Variants in CACNA2D1 observed in about 807,000 individuals in gnomAD.
CACNA2D1 encodes voltage-dependent calcium channel subunit alpha-2/delta-1.
A neutral mutation model predicts 171.5 loss-of-function variants in CACNA2D1; 53 were observed. The observed-to-expected ratio is 0.31, with a 90% CI of 0.25 to 0.39. The LOEUF is 0.39. Among genes scored for constraint, CACNA2D1 ranks in the 10% least tolerant of loss-of-function variants. The pLI, the probability that CACNA2D1 is intolerant of heterozygous loss-of-function variation, is 1.00. For synonymous variants in CACNA2D1, 442 were observed against 443.1 expected, an observed-to-expected ratio of 1.00 and a Z score of 0.03; for missense variants, 903 against 1,299.8, an observed-to-expected ratio of 0.69 and a Z score of 4.69.
chr7:82,259,993 C>T (rs142060440), intron 3 of CACNA2D1, among the ~76,000 whole-genome samples: 5 of 152,076 alleles, frequency 3.3e-5, no homozygotes, highest in Non-Finnish European at 7.4e-5. Flanking sequence ...GAGGCTGAGG[C>T]GAGTAAACCA....
chr7:82,379,806 A>G (rs1823487265), intron 1 of CACNA2D1, among the ~76,000 whole-genome samples: 1 of 152,118 alleles, frequency 6.6e-6, no homozygotes, highest in Non-Finnish European at 1.5e-5. Flanking sequence ...AATCTATGGG[A>G]ATTATCTCAT....
intron 1 of CACNA2D1, among the ~76,000 whole-genome samples, chr7:82,410,178 T>C (rs546668518): frequency 2.0e-5 from 3 of 152,208 alleles, no homozygotes; most frequent in African/African-American, 4.8e-5. Flanking sequence ...CTCTAAGTAA[T>C]AGTTCCTCTA....
intron 1 of CACNA2D1, among the ~76,000 whole-genome samples, chr7:82,423,937 T>C (rs1234620473): frequency 6.6e-6 from 1 of 152,230 alleles, no homozygotes; most frequent in Admixed American, 6.5e-5. Context: ...AGTAATTTTA[T>C]GGCTGTGGAA....
At chr7:82,284,447 C>T (rs1203275857) in intron 3 of CACNA2D1, among the ~76,000 whole-genome samples, 1 of 152,048 alleles carries the variant, frequency 6.6e-6, no homozygotes, top group Non-Finnish European at 1.5e-5. Flanking sequence ...TTGTCTTAGT[C>T]CATTCAGGCT....
At chr7:82,091,251 G>A (rs1239317769) in intron 6 of CACNA2D1, among the ~76,000 whole-genome samples, 6 of 152,060 alleles carry the variant, frequency 3.9e-5, no homozygotes, top group Admixed American at 1.3e-4. Context: ...ATCATGTCTC[G>A]GGCACCAGAA....
intron 7 of CACNA2D1, 42 bp downstream of exon 7, chr7:82,084,727 T>C (rs780624336): frequency 1.1e-5 from 18 of 1,611,188 alleles, no homozygotes; most frequent in Non-Finnish European, 1.5e-5. Flanking sequence ...CCAGAAACAT[T>C]GAGGCTGGAA....
chr7:81,980,833 G>A (rs1796370369), intron 24 of CACNA2D1, among the ~76,000 whole-genome samples: 1 of 152,128 alleles, frequency 6.6e-6, no homozygotes, highest in Non-Finnish European at 1.5e-5. Context: ...AAAGGAAGCA[G>A]AGAAGGACAA....
chr7:81,995,830 C>T (rs1012155382), intron 19 of CACNA2D1, among the ~76,000 whole-genome samples: 1 of 149,252 alleles, frequency 6.7e-6, no homozygotes, highest in African/African-American at 2.5e-5. Context: ...TGCAAGGTTA[C>T]ATTATCCACT....
At chr7:82,117,555 G>T (rs531092788) in intron 5 of CACNA2D1, among the ~76,000 whole-genome samples, 2 of 152,126 alleles carry the variant, frequency 1.3e-5, no homozygotes, top group Non-Finnish European at 2.9e-5. Context: ...GGAGGAAGAG[G>T]GGGGCAGATC....
At chr7:82,276,249 T>C (rs537137380) in intron 3 of CACNA2D1, among the ~76,000 whole-genome samples, 64 of 152,364 alleles carry the variant, frequency 4.2e-4, no homozygotes, top group African/African-American at 1.5e-3. Flanking sequence ...TCCCAAGATA[T>C]AAACTATGTT....
At chr7:81,965,517 A>G (rs1794626553) in intron 32 of CACNA2D1, 77 bp downstream of exon 32, 1 of 813,302 alleles carries the variant, frequency 1.2e-6, no homozygotes, top group African/African-American at 1.7e-5. Context: ...TTTCTAAAAC[A>G]CTGAAAGAGG....
chr7:81,963,994 G>C (rs1039016180), intron 34 of CACNA2D1, 62 bp downstream of exon 34: 1 of 1,359,888 alleles, frequency 7.4e-7, no homozygotes, highest in South Asian at 1.2e-5. Context: ...ATTTTCATCA[G>C]ATGCTTTTTT....
intron 25 of CACNA2D1, among the ~76,000 whole-genome samples, chr7:81,972,222 T>C (rs1251129934): frequency 1.3e-5 from 2 of 151,372 alleles, no homozygotes; most frequent in African/African-American, 2.4e-5. Flanking sequence ...TTTATGACAA[T>C]TTAATGTATA....
intron 4 of CACNA2D1, among the ~76,000 whole-genome samples, chr7:82,169,723 G>C (rs1795822273): frequency 6.6e-6 from 1 of 151,958 alleles, no homozygotes; most frequent in Non-Finnish European, 1.5e-5. Flanking sequence ...GGAAGGTAGA[G>C]GGCAGTTGTT....
At chr7:82,216,533 C>T (rs1468094622) in intron 3 of CACNA2D1, among the ~76,000 whole-genome samples, 1 of 152,134 alleles carries the variant, frequency 6.6e-6, no homozygotes. Flanking sequence ...TGGTTTGCTA[C>T]ATATTCATGA....
chr7:82,296,920 T>C (rs1036368013), intron 3 of CACNA2D1, among the ~76,000 whole-genome samples: 2 of 151,892 alleles, frequency 1.3e-5, no homozygotes, highest in Non-Finnish European at 2.9e-5. Flanking sequence ...GGGTTTAGGA[T>C]ACTATTATTT....
At chr7:82,291,398 ACAC>A (rs1192917649) in intron 3 of CACNA2D1, among the ~76,000 whole-genome samples, 1 of 135,064 alleles carries the variant, frequency 7.4e-6, no homozygotes, top group Non-Finnish European at 1.6e-5. Context: ...ATCTACATCT[ACAC>A]TAGATATATA....
At chr7:82,107,283 A>G (rs937697752) in intron 6 of CACNA2D1, among the ~76,000 whole-genome samples, 8 of 152,102 alleles carry the variant, frequency 5.3e-5, no homozygotes, top group African/African-American at 1.9e-4. Flanking sequence ...TACAACAGAG[A>G]TGTGTGTTGC....
At chr7:82,351,764 A>C (rs1819874728) in intron 1 of CACNA2D1, among the ~76,000 whole-genome samples, 1 of 152,138 alleles carries the variant, frequency 6.6e-6, no homozygotes, top group African/African-American at 2.4e-5. Context: ...ATTAAATACA[A>C]AAAATTATAG....
Sources: gnomAD v4.1 joint callset for allele counts (sites outside exome capture counted in the v4.1 genomes callset) on GRCh38, gnomAD v4.1.1 for gene constraint, MANE v1.5 for transcripts, NCBI Gene and HGNC (gene_info 2026-07-23, HGNC 2026-07-21) for gene names.